The following KHDRBS3 variants were observed in gnomAD, a reference collection of about 807,000 sequenced individuals.
KHDRBS3 encodes KH domain-containing, RNA-binding, signal transduction-associated protein 3.
KHDRBS3 carries 23 observed loss-of-function variants against 45.6 expected under a neutral mutation model. The observed-to-expected ratio is 0.50, with a 90% CI of 0.36 to 0.72. KHDRBS3 has a LOEUF of 0.72. Among genes scored for constraint, KHDRBS3 ranks in the 30% least tolerant of loss-of-function variants. The pLI, the probability that KHDRBS3 is intolerant of heterozygous loss-of-function variation, is 0.00. For missense variants in KHDRBS3, 352 were observed against 424.8 expected, an observed-to-expected ratio of 0.83 and a Z score of 1.51; for synonymous variants, 162 against 156.5, an observed-to-expected ratio of 1.04 and a Z score of -0.26.
intron 1 of KHDRBS3, among the ~76,000 whole-genome samples, chr8:135,505,169 A>G (rs1708209693): frequency 6.6e-6 from 1 of 152,238 alleles, no homozygotes; most frequent in South Asian, 2.1e-4. Context: ...TAGAGGGAAC[A>G]AATTAGAAAG....
chr8:135,569,011 G>A (rs757752722), intron 5 of KHDRBS3, among the ~76,000 whole-genome samples: 98 of 151,848 alleles, frequency 6.5e-4, no homozygotes, highest in Non-Finnish European at 1.3e-3. Context: ...TTATTCGTTT[G>A]TTTAAACAAT....
At chr8:135,611,772 G>A (rs1218997042) in intron 7 of KHDRBS3, among the ~76,000 whole-genome samples, 2 of 151,820 alleles carry the variant, frequency 1.3e-5, no homozygotes, top group African/African-American at 2.4e-5. Context: ...TACTGGATTA[G>A]GGTTTCAATA....
intron 5 of KHDRBS3, among the ~76,000 whole-genome samples, chr8:135,578,706 T>C (rs1314482915): frequency 6.6e-6 from 1 of 152,208 alleles, no homozygotes; most frequent in Non-Finnish European, 1.5e-5. Context: ...CTGGGTCTTT[T>C]GCCTTTCCAT....
At chr8:135,490,135 C>G (rs1181821581) in intron 1 of KHDRBS3, among the ~76,000 whole-genome samples, 1 of 152,114 alleles carries the variant, frequency 6.6e-6, no homozygotes, top group East Asian at 1.9e-4. Flanking sequence ...GACTGTACCC[C>G]TAGGTGTGTG....
At position 135,458,152 on chromosome 8, in the gene KHDRBS3, G is replaced by A. The variant is rs745748019; in HGVS notation, c.88+198G>A. On this transcript the variant is annotated intron_variant, in intron 1 of 8. Coordinates refer to ENST00000355849, the MANE Select transcript of KHDRBS3 (RefSeq NM_006558.3). ...GGGGAAGACCCTGATGTGAATTTTG[G>A]GGACTTGGAAGGAGAAGGCTGGGGC... is the stretch of plus-strand genomic sequence containing the variant. 1.8e-5 allele frequency: 24 copies of A among 1,352,460 alleles called. 1 individual carries two copies. The highest frequency in any genetic ancestry group is 3.9e-4 in the Middle Eastern group (2 of 5,194). The allele number at this position is 1,352,460 out of a possible 1,614,324, so 83.8% of individuals were successfully genotyped here.
At chr8:135,493,310 T>C (rs537875544) in intron 1 of KHDRBS3, among the ~76,000 whole-genome samples, 1 of 152,208 alleles carries the variant, frequency 6.6e-6, no homozygotes, top group Non-Finnish European at 1.5e-5. Context: ...TCTCTTATCA[T>C]ACTGGCTAGG....
At chr8:135,608,918 G>T (rs1829586818) in intron 7 of KHDRBS3, among the ~76,000 whole-genome samples, 1 of 152,116 alleles carries the variant, frequency 6.6e-6, no homozygotes, top group African/African-American at 2.4e-5. Context: ...TAAAAATGTG[G>T]TATAAAAGAT....
intron 1 of KHDRBS3, among the ~76,000 whole-genome samples, chr8:135,467,052 G>T (rs1821732798): frequency 6.6e-6 from 1 of 152,156 alleles, no homozygotes; most frequent in Non-Finnish European, 1.5e-5. Context: ...CCCTGATGTG[G>T]TTATTATGCA....
intron 4 of KHDRBS3, among the ~76,000 whole-genome samples, chr8:135,553,326 T>C (rs1392024022): frequency 2.0e-5 from 3 of 152,168 alleles, no homozygotes; most frequent in Admixed American, 6.5e-5. Context: ...CTTTGAACCA[T>C]TTCGTCAGTT....
chr8:135,581,385 CATT>C (rs1437793867), intron 5 of KHDRBS3, among the ~76,000 whole-genome samples: 2 of 152,308 alleles, frequency 1.3e-5, no homozygotes, highest in East Asian at 3.9e-4. Flanking sequence ...GTGGTTGACA[CATT>C]ATTCAGGAAA....
chr8:135,574,900 C>T (rs1424915613), intron 5 of KHDRBS3, among the ~76,000 whole-genome samples: 2 of 152,150 alleles, frequency 1.3e-5, no homozygotes, highest in African/African-American at 2.4e-5. Flanking sequence ...TGTTTCTCTC[C>T]TAATAACACA....
intron 6 of KHDRBS3, among the ~76,000 whole-genome samples, chr8:135,597,257 G>A (rs538177994): frequency 8.9e-4 from 136 of 152,210 alleles, no homozygotes; most frequent in African/African-American, 3.1e-3. Flanking sequence ...AGCCTGTCAC[G>A]AAGGCATTAA....
chr8:135,613,870 T>TA (rs1450956757), intron 7 of KHDRBS3, among the ~76,000 whole-genome samples: 1 of 151,652 alleles, frequency 6.6e-6, no homozygotes, highest in Non-Finnish European at 1.5e-5. Flanking sequence ...TAATGACTTT[T>TA]AAACTCCTGA....
chr8:135,582,018 C>G lies in KHDRBS3; in HGVS notation c.752C>G (p.Pro251Arg). ...ACTCCCAGAGCAAGAGGAGTCCCCC[C>G]AACTGGGTACAGACCTCCACCGCCA... ...LLTPRARGVP[P>R]TGYRPPPPPP... The change falls in exon 6 of 9, where the codon CCA becomes CGA. Residue 251 changes from proline (P) to arginine (R), a missense_variant. Around this residue, in one of 6 missense-constraint regions of KHDRBS3, gnomAD observed 212 missense variants for 209.6 expected, o/e 1.01. Transcript: ENST00000355849. 1 of 1,611,812 alleles carries G rather than the reference C, an allele frequency of 6.2e-7. No individual in the cohort carries two copies. Among genetic ancestry groups the G allele is most frequent in the Non-Finnish European group, 8.5e-7 (1 of 1,178,766 alleles).
chr8:135,560,108 A>G (rs1827096708), intron 5 of KHDRBS3, among the ~76,000 whole-genome samples: 1 of 152,322 alleles, frequency 6.6e-6, no homozygotes, highest in Admixed American at 6.5e-5. Flanking sequence ...TGACATTTAT[A>G]TGTCAGCATT....
chr8:135,615,554 C>G (rs1563807948), intron 7 of KHDRBS3, among the ~76,000 whole-genome samples: 1 of 152,006 alleles, frequency 6.6e-6, no homozygotes, highest in Non-Finnish European at 1.5e-5. Context: ...AGAGTAGTAC[C>G]CATATCATTG....
intron 1 of KHDRBS3, among the ~76,000 whole-genome samples, chr8:135,513,916 T>A (rs536575364): frequency 6.6e-6 from 1 of 152,304 alleles, no homozygotes; most frequent in South Asian, 2.1e-4. Flanking sequence ...GTTTGACTCC[T>A]TTGTACTCAC....
At chr8:135,574,255 G>GTTAGCACGTCACCT (rs1482696673) in intron 5 of KHDRBS3, among the ~76,000 whole-genome samples, 268 of 150,022 alleles carry the variant, frequency 1.8e-3, no homozygotes, top group East Asian at 4.3e-3. Flanking sequence ...CCTCCATCAT[G>GTTAGCACGTCACCT]CCTTTCTTCC....
intron 7 of KHDRBS3, among the ~76,000 whole-genome samples, chr8:135,612,550 C>G (rs921655489): frequency 5.3e-5 from 8 of 151,858 alleles, no homozygotes; most frequent in African/African-American, 1.9e-4. Flanking sequence ...GATGTCTTAT[C>G]TAACATGTCT....
Sources: gnomAD v4.1 joint callset for allele counts (sites outside exome capture counted in the v4.1 genomes callset) on GRCh38, gnomAD v4.1.1 for gene constraint, gnomAD v4.1.1 regional missense constraint, MANE v1.5 for transcripts, NCBI Gene and HGNC (gene_info 2026-07-23, HGNC 2026-07-21) for gene names.